FGF13: variants seen among roughly 807,000 people sequenced by gnomAD.
FGF13 encodes the protein fibroblast growth factor 13.
A neutral mutation model predicts 19.5 loss-of-function variants in FGF13; 2 were observed. That is an observed-to-expected ratio of 0.10 (90% CI 0.04 to 0.32). The LOEUF is 0.32. FGF13 is among the 10% of genes least tolerant of loss of function. FGF13 has a pLI of 1.00. For synonymous variants in FGF13, 72 were observed against 76.9 expected (o/e 0.94, Z 0.33); for missense variants, 113 against 192.7 (o/e 0.59, Z 2.45).
At chrX:139,057,175 A>T (rs2124418611) in intron 1 of FGF13, among the ~76,000 whole-genome samples, 1 of 111,772 alleles carries the variant, frequency 8.9e-6, no homozygotes, top group South Asian at 3.7e-4. Context: ...GGCCTTGTCC[A>T]CATATTTTAG....
downstream of FGF13, among the ~76,000 whole-genome samples, chrX:138,853,599 A>ATG (rs369190425): frequency 3.7e-3 from 347 of 94,790 alleles, 1 homozygote; most frequent in African/African-American, 0.013. Context: ...GGAAGACAGA[A>ATG]TGTGTGTGTG....
At chrX:138,844,786 G>T (rs1015826982) in intron 3 of FGF13, among the ~76,000 whole-genome samples, 6 of 110,772 alleles carry the variant, frequency 5.4e-5, no homozygotes, top group African/African-American at 9.8e-5. Flanking sequence ...TGTCTCATCT[G>T]CTTTCATGGT....
chrX:138,829,812 G>A (rs928359647), intron 3 of FGF13, among the ~76,000 whole-genome samples: 12 of 111,410 alleles, frequency 1.1e-4, no homozygotes, highest in Admixed American at 7.6e-4. Context: ...TGCCTCCCAG[G>A]TTCAAGTGAT....
Position 138,836,372 on chromosome X carries a change from T to G in FGF13, c.217+21140A>C, listed in dbSNP as rs1300181324. Among the ~76,000 whole-genome samples, 3 of 111,788 alleles carry G rather than the reference T, an allele frequency of 2.7e-5. No individual in the cohort carries two copies. In the East Asian group the frequency reaches 8.4e-4, roughly 31 times the overall value. ...ACATAATCCCATATTTCTCAAAGGG[T>G]TTGTTCATTCCTTTTCATTCTTTTT... is the stretch of plus-strand genomic sequence containing the variant. On this transcript the variant is annotated intron_variant, in intron 3 of 6. Coordinates refer to the FGF13 transcript ENST00000436198.
chrX:139,179,934 C>T (rs1281341214), intron 1 of FGF13, among the ~76,000 whole-genome samples: 1 of 113,243 alleles, frequency 8.8e-6, no homozygotes, highest in African/African-American at 3.2e-5. Flanking sequence ...AAGCAGGGAC[C>T]ATGTCCTGTG....
intron 1 of FGF13, among the ~76,000 whole-genome samples, chrX:139,006,556 G>A (rs904275751): frequency 9.4e-6 from 1 of 106,207 alleles, no homozygotes; most frequent in Non-Finnish European, 1.9e-5. Context: ...CTGTAAGTGT[G>A]GTGTGTAAAC....
chrX:138,981,912 C>T (rs2091965382), intron 1 of FGF13, among the ~76,000 whole-genome samples: 1 of 111,274 alleles, frequency 9.0e-6, no homozygotes, highest in Non-Finnish European at 1.9e-5. Context: ...TGTTCAGAAT[C>T]AAGGATCACA....
At chrX:138,901,290 G>C (rs908351926) in intron 1 of FGF13, among the ~76,000 whole-genome samples, 1 of 111,501 alleles carries the variant, frequency 9.0e-6, no homozygotes. Flanking sequence ...GGACTGATAC[G>C]CATTTATGAA....
chrX:139,116,592 C>A (rs1434283588), intron 1 of FGF13, among the ~76,000 whole-genome samples: 1 of 111,470 alleles, frequency 9.0e-6, no homozygotes, highest in Non-Finnish European at 1.9e-5. Flanking sequence ...CCTAAAAGCT[C>A]ATTTTAATTG....
intron 1 of FGF13, among the ~76,000 whole-genome samples, chrX:139,165,398 A>T (rs2084074853): frequency 8.9e-6 from 1 of 112,227 alleles, no homozygotes; most frequent in Non-Finnish European, 1.9e-5. Flanking sequence ...AGCCTGCCAC[A>T]TAAAAACTGA....
chrX:138,693,400 G>A (rs1253757307), intron 3 of FGF13, among the ~76,000 whole-genome samples: 2 of 111,457 alleles, frequency 1.8e-5, no homozygotes, highest in Non-Finnish European at 3.8e-5. Flanking sequence ...AGCTCTTTGA[G>A]CTAGCAGATC....
intron 3 of FGF13, among the ~76,000 whole-genome samples, chrX:138,831,513 T>G (rs1455269187): frequency 9.0e-6 from 1 of 111,645 alleles, no homozygotes; most frequent in Non-Finnish European, 1.9e-5. Context: ...AGGAGATTAT[T>G]CTCCAGCTTT....
intron 1 of FGF13, among the ~76,000 whole-genome samples, chrX:139,122,713 T>C (rs1490832191): frequency 9.0e-6 from 1 of 111,524 alleles, no homozygotes; most frequent in African/African-American, 3.3e-5. Flanking sequence ...CCCCTAAGAC[T>C]TCTTCATCTT....
At chrX:138,811,491 T>C (rs909163068) in intron 3 of FGF13, among the ~76,000 whole-genome samples, 1 of 110,771 alleles carries the variant, frequency 9.0e-6, no homozygotes, top group Non-Finnish European at 1.9e-5. Context: ...ATATACCTAA[T>C]GTAAATGACG....
intron 1 of FGF13, among the ~76,000 whole-genome samples, chrX:138,895,367 AG>A (rs2091499029): frequency 1.8e-5 from 2 of 112,264 alleles, no homozygotes; most frequent in Non-Finnish European, 3.8e-5. Context: ...CAAACAAAAA[AG>A]GAAACCCCAA....
intron 1 of FGF13, among the ~76,000 whole-genome samples, chrX:138,881,843 C>T (rs766683253): frequency 3.6e-5 from 4 of 110,803 alleles, no homozygotes; most frequent in Non-Finnish European, 5.7e-5. Context: ...TCTTTTCAAA[C>T]GACCAACTTC....
downstream of FGF13, chrX:138,857,404 G>T: frequency 1.3e-6 from 1 of 792,436 alleles, no homozygotes; most frequent in Non-Finnish European, 1.8e-6. Flanking sequence ...GCTATGGCAG[G>T]GCCTGAACAA....
intron 1 of FGF13, among the ~76,000 whole-genome samples, chrX:139,135,883 G>C (rs745978602): frequency 9.0e-6 from 1 of 111,252 alleles, no homozygotes; most frequent in South Asian, 3.9e-4. Flanking sequence ...GTCCTATCAC[G>C]TCCTTCATCA....
chrX:138,703,207 A>G lies in FGF13; in HGVS notation c.299-120T>C, dbSNP rs185198058. 2.9e-4 allele frequency: 152 copies of G among 525,362 alleles called. 1 individual carries two copies. In the East Asian group the frequency reaches 4.1e-3, roughly 14 times the overall value. The allele number at this position is 525,362 out of a possible 1,213,427, so 43.3% of individuals were successfully genotyped here. On this transcript the variant is annotated intron_variant, in intron 2 of 4. Transcript: ENST00000315930. ...GTGTGTAGTTGGTGAGGGTATGCAT[A>G]TATGTCTGTTTATGTAGACATGCAT...
Sources: allele counts gnomAD v4.1 joint callset (sites outside exome capture counted in the v4.1 genomes callset), GRCh38; gene constraint gnomAD v4.1.1; transcripts MANE v1.5; gene names NCBI Gene and HGNC (gene_info 2026-07-23, HGNC 2026-07-21).